The following PSMG1 variants were observed in gnomAD, a reference collection of about 807,000 sequenced individuals.
PSMG1 encodes proteasome assembly chaperone 1, also known as Down syndrome critical region gene 2.
In PSMG1, 23 loss-of-function variants were observed where a neutral mutation model predicts 37.2. The ratio of observed to expected loss-of-function variants is 0.62; its 90% CI spans 0.44 to 0.88. The LOEUF is 0.88. PSMG1 is among the 40% of genes least tolerant of loss of function. The pLI is 0.00. For synonymous variants in PSMG1, 127 were observed against 128.0 expected (o/e 0.99, Z 0.05); for missense variants, 340 against 344.2 (o/e 0.99, Z 0.10).
intron 3 of PSMG1, 37 bp downstream of exon 3, chr21:39,180,248 T>TAC (rs745393459): frequency 1.3e-6 from 2 of 1,547,464 alleles, no homozygotes; most frequent in South Asian, 2.4e-5. Flanking sequence ...AAGTGATACT[T>TAC]AAATAACTGC....
chr21:39,183,463 A>C, upstream of PSMG1: 5 of 1,465,258 alleles, frequency 3.4e-6, no homozygotes, highest in Non-Finnish European at 4.5e-6. Context: ...ACGCTCCCTC[A>C]CCGCGCGGGC....
intron 1 of PSMG1, among the ~76,000 whole-genome samples, chr21:39,182,186 T>A (rs2030854828): frequency 1.3e-5 from 2 of 152,188 alleles, no homozygotes; most frequent in Non-Finnish European, 2.9e-5. Context: ...CACCACTTAG[T>A]AGAAGCATTC....
chr21:39,180,517 C>G, intron 2 of PSMG1, 81 bp from the exon 3 acceptor site: 1 of 1,386,002 alleles, frequency 7.2e-7, no homozygotes, highest in Non-Finnish European at 9.6e-7. Flanking sequence ...GCTCAAGTTA[C>G]TGTAGAATTT....
chr21:39,181,916 A>G, intron 1 of PSMG1, 38 bp from the exon 2 acceptor site: 1 of 1,442,404 alleles, frequency 6.9e-7, no homozygotes, highest in African/African-American at 1.4e-5. Context: ...AGCAACTTCA[A>G]TATAAACAGT....
chr21:39,183,177 A>C, intron 1 of PSMG1, 75 bp downstream of exon 1: 2 of 1,430,492 alleles, frequency 1.4e-6, no homozygotes, highest in Non-Finnish European at 1.8e-6. Flanking sequence ...CCCCGGCCTT[A>C]GGCGCCGTCG....
rs2030699573 is a variant in PSMG1, at chr21:39,178,383, A to G, written c.655+66T>C. Reference sequence around the variant, plus strand: ...AATAAACTACCTCAAAAAGACCTCTAATGGTGAAAAGTAGTATCAATAAAG... The same window carrying G: ...AATAAACTACCTCAAAAAGACCTCTGATGGTGAAAAGTAGTATCAATAAAG... On this transcript the variant is annotated intron_variant, in intron 5 of 6. Coordinates refer to ENST00000331573, the MANE Select transcript of PSMG1 (RefSeq NM_003720.4). The G allele has an allele frequency of 3.5e-6, 5 of 1,446,534 alleles. No individual in the cohort carries two copies. The Admixed American group carries it at 8.7e-5, about 25-fold the overall frequency. The allele number at this position is 1,446,534 out of a possible 1,614,324, so 89.6% of individuals were successfully genotyped here. A position where few individuals can be genotyped will look rare whatever the true frequency, so the allele number is the denominator to read the frequency against.
chr21:39,183,108 G>A, intron 1 of PSMG1, 144 bp downstream of exon 1: 12 of 1,066,838 alleles, frequency 1.1e-5, no homozygotes, highest in Non-Finnish European at 1.5e-5. Context: ...GGAGACCCAG[G>A]GCCCAAGCAG....
rs2030593416 is a variant in PSMG1 at position 39,175,503 on chromosome 21, T to A, written c.*87A>T. The A allele has an allele frequency of 2.1e-6, 3 of 1,410,010 alleles. No homozygotes were observed. The highest frequency in any genetic ancestry group is 2.8e-6 in the Non-Finnish European group (3 of 1,075,648). 87.3% of individuals were successfully genotyped at this position (1,410,010 alleles called of 1,614,324 possible). A position where few individuals can be genotyped will look rare whatever the true frequency, so the allele number is the denominator to read the frequency against. ...TCCGTTTCATCATTCTCAAAATATATCCCCCAAAAGTAATCTACAAAAGAG... is the reference window on the plus strand; with the variant it reads ...TCCGTTTCATCATTCTCAAAATATAACCCCCAAAAGTAATCTACAAAAGAG... On this transcript the variant is annotated 3_prime_UTR_variant, in exon 7 of 7. Coordinates refer to ENST00000331573, the MANE Select transcript of PSMG1 (RefSeq NM_003720.4).
chr21:39,175,686 A>C, intron 6 of PSMG1, 22 bp from the exon 7 acceptor site: 1 of 1,475,416 alleles, frequency 6.8e-7, no homozygotes, highest in Non-Finnish European at 9.5e-7. Flanking sequence ...GAAAAAAGTG[A>C]ATACAGTGAG....
In PSMG1 at chr21:39,178,565, G is replaced by A; in HGVS notation, c.539C>T (p.Ser180Phe). 1 of 1,614,100 alleles carries A rather than the reference G, an allele frequency of 6.2e-7. No individual in the cohort carries two copies. Among genetic ancestry groups the A allele is most frequent in the East Asian group, 2.2e-5 (1 of 44,878 alleles). ...GAAAGGAGAAGGAAGGCTGCCGGTGGATTCTGAGGTTTTATAATCGGTAAC... is the reference window on the plus strand; with the variant it reads ...GAAAGGAGAAGGAAGGCTGCCGGTGAATTCTGAGGTTTTATAATCGGTAAC... ...RHVTDYKTSE[S>F]TGSLPSPFLR... The change falls in exon 5 of 7, where the codon TCC (serine) becomes TTC (phenylalanine). Residue 180 changes from serine (S) to phenylalanine (F), a missense_variant. Coordinates refer to ENST00000331573, the MANE Select transcript of PSMG1 (RefSeq NM_003720.4).
intron 2 of PSMG1, 133 bp from the exon 3 acceptor site, chr21:39,180,569 C>A: frequency 1.2e-6 from 1 of 821,000 alleles, no homozygotes. Context: ...CCTAATACCA[C>A]CATTATACAG....
At position 39,181,843 on chromosome 21, in the gene PSMG1, G is replaced by T; in HGVS notation, c.170C>A (p.Ser57Tyr). ...VRLLRRQTKT[S>Y]LEVSLLEKYP... ...TTTTTCTAGCAAAGAAACTTCCAAA[G>T]ATGTTTTTGTTTGTCTTCGAAGGAG... is the stretch of plus-strand genomic sequence containing the variant. The change falls in exon 2 of 7, where the codon TCT (serine) becomes TAT (tyrosine). Residue 57 changes from serine to tyrosine, a missense_variant. Transcript: ENST00000331573. The T allele has an allele frequency of 6.3e-7, 1 of 1,592,834 alleles. No homozygotes were observed. The highest frequency in any genetic ancestry group is 8.5e-7 in the Non-Finnish European group (1 of 1,172,698).
At chr21:39,182,829 T>C (rs1175256821) in intron 1 of PSMG1, among the ~76,000 whole-genome samples, 4 of 152,176 alleles carry the variant, frequency 2.6e-5, no homozygotes, top group Non-Finnish European at 4.4e-5. Context: ...TTCGAGGGAA[T>C]TGGTGTGTCC....
At chr21:39,180,099 C>T in intron 3 of PSMG1, 113 bp from the exon 4 acceptor site, 9 of 1,272,944 alleles carry the variant, frequency 7.1e-6, no homozygotes, top group Non-Finnish European at 7.7e-6. Flanking sequence ...ATTTTCCTGG[C>T]TCCACTATTG....
At chr21:39,180,834 G>A (rs1198851785) in intron 2 of PSMG1, among the ~76,000 whole-genome samples, 2 of 152,168 alleles carry the variant, frequency 1.3e-5, no homozygotes, top group Non-Finnish European at 2.9e-5. Context: ...TGGGTTTCCT[G>A]AATGTTCTCA....
intron 2 of PSMG1, among the ~76,000 whole-genome samples, chr21:39,181,425 T>C (rs755416421): frequency 6.6e-6 from 1 of 151,546 alleles, no homozygotes; most frequent in Non-Finnish European, 1.5e-5. Flanking sequence ...TGTGAGCCAC[T>C]GCACCCAGCC....
At chr21:39,180,194 G>A in intron 3 of PSMG1, 91 bp downstream of exon 3, 1 of 1,428,458 alleles carries the variant, frequency 7.0e-7, no homozygotes, top group Middle Eastern at 1.9e-4. Context: ...CAGAGCAACT[G>A]AAAGATTTGC....
At chr21:39,176,824 A>G (rs1023689336) in intron 6 of PSMG1, among the ~76,000 whole-genome samples, 2 of 152,216 alleles carry the variant, frequency 1.3e-5, no homozygotes, top group African/African-American at 2.4e-5. Flanking sequence ...TGTTGTTACA[A>G]CCTCTTTCCT....
At chr21:39,181,562 C>T (rs2030827945) in intron 2 of PSMG1, among the ~76,000 whole-genome samples, 1 of 151,708 alleles carries the variant, frequency 6.6e-6, no homozygotes, top group Non-Finnish European at 1.5e-5. Flanking sequence ...GCAAGACCAG[C>T]CTGGGCAACA....
Sources: allele counts gnomAD v4.1 joint callset (sites outside exome capture counted in the v4.1 genomes callset), GRCh38; gene constraint gnomAD v4.1.1; transcripts MANE v1.5; gene names NCBI Gene and HGNC (gene_info 2026-07-23, HGNC 2026-07-21).